SYNPR: variants seen among roughly 807,000 people sequenced by gnomAD.
SYNPR encodes the protein synaptoporin.
SYNPR carries 23 observed loss-of-function variants against 32.9 expected under a neutral mutation model. The ratio of observed to expected loss-of-function variants is 0.70; its 90% confidence interval spans 0.50 to 0.99. The LOEUF is 0.99. Among genes scored for constraint, SYNPR ranks in the 50% least tolerant of loss-of-function variants. The pLI, the probability that SYNPR is intolerant of heterozygous loss-of-function variation, is 0.00. For missense variants in SYNPR, 318 were observed against 349.3 expected, an observed-to-expected ratio of 0.91 and a Z score of 0.71; for synonymous variants, 146 against 135.9, an observed-to-expected ratio of 1.07 and a Z score of -0.52.
chr3:63,480,260 T>C (rs1353540811), intron 2 of SYNPR, among the ~76,000 whole-genome samples: 1 of 152,124 alleles, frequency 6.6e-6, no homozygotes, highest in Admixed American at 6.6e-5. Flanking sequence ...TAACCACCAG[T>C]GAAAGTTGGA....
At chr3:63,335,042 A>G (rs1029059823) in intron 2 of SYNPR, among the ~76,000 whole-genome samples, 1 of 152,162 alleles carries the variant, frequency 6.6e-6, no homozygotes, top group African/African-American at 2.4e-5. Flanking sequence ...TGCAAAAGTA[A>G]TTGCGGTTTT....
intron 2 of SYNPR, chr3:63,252,735 T>C (rs1356771081): frequency 2.0e-5 from 3 of 152,268 alleles, no homozygotes; most frequent in South Asian, 4.1e-4. Flanking sequence ...AATTTATATA[T>C]GCAGATAAGA....
At chr3:63,403,972 G>A in intron 2 of SYNPR, among the ~76,000 whole-genome samples, 1 of 152,104 alleles carries the variant, frequency 6.6e-6, no homozygotes, top group East Asian at 1.9e-4. Context: ...ATATGACTGG[G>A]TTCAATTTAT....
At chr3:63,610,576 A>G (rs56213597) in intron 5 of SYNPR, 32 of 683,748 alleles carry the variant, frequency 4.7e-5, no homozygotes, top group Non-Finnish European at 8.0e-5. Context: ...CCATGAAAAT[A>G]AGCTCTGCAT....
chr3:63,356,061 C>T lies in SYNPR; in HGVS notation c.84+77319C>T, dbSNP rs545135812. Among the ~76,000 whole-genome samples, 5 of 152,338 alleles carry T rather than the reference C, an allele frequency of 3.3e-5. No individual in the cohort carries two copies. The South Asian group carries it at 8.3e-4, about 25-fold the overall frequency. On this transcript the variant is annotated intron_variant, in intron 2 of 5. Coordinates refer to ENST00000478300, the MANE Select transcript of SYNPR (RefSeq NM_001130003.2). Reference sequence around the variant, plus strand: ...ATCCTTGGCCTTAGCTCAAGCTCATCTCCTCAGGGAATAAGACATCATGTT... The same window carrying T: ...ATCCTTGGCCTTAGCTCAAGCTCATTTCCTCAGGGAATAAGACATCATGTT...
chr3:63,348,042 G>T (rs188698314), intron 2 of SYNPR, among the ~76,000 whole-genome samples: 32 of 152,108 alleles, frequency 2.1e-4, no homozygotes, highest in Admixed American at 1.0e-3. Context: ...GTATCTTTTT[G>T]ATGTAATGAT....
the SYNPR span, chr3:63,203,483 A>G: frequency 6.6e-6 from 1 of 152,138 alleles, no homozygotes; most frequent in Non-Finnish European, 1.5e-5. Flanking sequence ...GAATCTGCCA[A>G]TGCCACAGAT....
chr3:63,416,552 AC>A lies in SYNPR; in HGVS notation c.85-64278del, dbSNP rs1319716516. 4.3e-4 allele frequency among the ~76,000 whole-genome samples: 57 copies of A among 133,828 alleles called. No individual in the cohort carries two copies. In the South Asian group the frequency reaches 5.8e-3, roughly 14 times the overall value. The allele number at this position is 133,828 out of a possible 152,430, so 87.8% of individuals were successfully genotyped here. A position where few individuals can be genotyped will look rare whatever the true frequency, so the allele number is the denominator to read the frequency against. On this transcript the variant is annotated intron_variant, in intron 2 of 5. Coordinates refer to ENST00000478300, the MANE Select transcript of SYNPR (RefSeq NM_001130003.2). Reference sequence around the variant, plus strand: ...GTCTTAAAAAAAAAAAAAAAAAAAAACCAAAAAAAAACACAGAAGTTATTGC... The same window carrying A: ...GTCTTAAAAAAAAAAAAAAAAAAAAACAAAAAAAAACACAGAAGTTATTGC...
chr3:63,348,951 C>A (rs554224058), intron 2 of SYNPR, among the ~76,000 whole-genome samples: 1 of 152,208 alleles, frequency 6.6e-6, no homozygotes, highest in South Asian at 2.1e-4. Context: ...AATGTGATGC[C>A]TCTAGCTTTG....
intron 2 of SYNPR, among the ~76,000 whole-genome samples, chr3:63,368,850 T>C (rs17068381): frequency 0.057 from 8,679 of 152,258 alleles, 456 homozygotes; most frequent in East Asian, 0.2. Flanking sequence ...TGACAAGTGA[T>C]TGTGTTGTTG....
At chr3:63,537,088 C>T (rs1488107903) in intron 3 of SYNPR, among the ~76,000 whole-genome samples, 4 of 151,980 alleles carry the variant, frequency 2.6e-5, no homozygotes, top group Non-Finnish European at 5.9e-5. Context: ...TGATAGCTTA[C>T]TGAAACGTGC....
intron 3 of SYNPR, among the ~76,000 whole-genome samples, chr3:63,501,616 G>C (rs567646770): frequency 2.0e-5 from 3 of 151,974 alleles, no homozygotes; most frequent in African/African-American, 7.2e-5. Flanking sequence ...TAAATATGAT[G>C]AGCCTTTGCT....
At chr3:63,401,003 C>CA (rs2088282826) in intron 2 of SYNPR, among the ~76,000 whole-genome samples, 1 of 151,036 alleles carries the variant, frequency 6.6e-6, no homozygotes, top group African/African-American at 2.4e-5. Flanking sequence ...GCAAAGGCAA[C>CA]ATGGGGGTAT....
rs774216701 is a variant in SYNPR at position 63,295,211 on chromosome 3, T to C, written c.84+16469T>C. On this transcript the variant is annotated intron_variant, in intron 2 of 5. Transcript: ENST00000478300. The stretch of plus-strand genomic sequence containing the variant: ...GCTATGTCGGCCTCCCTGTGAATGA[T>C]AAAGCAGTTGTTAACATTCATTGTA... 5.3e-5 allele frequency among the ~76,000 whole-genome samples: 8 copies of C among 152,314 alleles called. No individual in the cohort carries two copies. The South Asian group carries it at 6.2e-4, about 12-fold the overall frequency.
the SYNPR span, among the ~76,000 whole-genome samples, chr3:63,208,924 T>C: frequency 1.3e-5 from 2 of 152,206 alleles, no homozygotes; most frequent in Non-Finnish European, 2.9e-5. Context: ...AAGGTTTGAC[T>C]ATAGAAATCT....
At chr3:63,321,553 T>A (rs1047951252) in intron 2 of SYNPR, among the ~76,000 whole-genome samples, 4 of 152,080 alleles carry the variant, frequency 2.6e-5, no homozygotes, top group Admixed American at 6.6e-5. Flanking sequence ...TGTGTCAATA[T>A]CCCCTGTAAA....
chr3:63,242,877 G>T (rs2086258687), intron 1 of SYNPR, among the ~76,000 whole-genome samples: 1 of 152,004 alleles, frequency 6.6e-6, no homozygotes, highest in Non-Finnish European at 1.5e-5. Context: ...GAATAGTACA[G>T]GTTTGAAAAA....
intron 2 of SYNPR, among the ~76,000 whole-genome samples, chr3:63,479,457 T>TACACACACACACACACACACACAC (rs1223820320): frequency 6.6e-6 from 1 of 150,978 alleles, no homozygotes; most frequent in African/African-American, 2.4e-5. Context: ...CACACACACA[T>TACACACACACACACACACACACAC]ACACACACAC....
At chr3:63,532,416 T>TATCC (rs2106790733) in intron 3 of SYNPR, among the ~76,000 whole-genome samples, 2 of 152,334 alleles carry the variant, frequency 1.3e-5, no homozygotes, top group African/African-American at 4.8e-5. Context: ...TCAGACTGAT[T>TATCC]ATCCATCCCA....
Sources: allele counts gnomAD v4.1 joint callset (sites outside exome capture counted in the v4.1 genomes callset), GRCh38; gene constraint gnomAD v4.1.1; transcripts MANE v1.5; gene names NCBI Gene and HGNC (gene_info 2026-07-23, HGNC 2026-07-21).